COL9A1: variants seen among roughly 807,000 people sequenced by gnomAD.
The protein encoded by COL9A1 is collagen type IX alpha 1 chain, also known as collagen alpha-1(IX) chain.
COL9A1 carries 104 observed loss-of-function variants against 142.6 expected under a neutral mutation model. The observed-to-expected ratio is 0.73, with a 90% confidence interval of 0.62 to 0.86. The LOEUF (loss-of-function observed/expected upper bound fraction) is 0.86. Ranked by LOEUF, COL9A1 falls within the 40% of genes least tolerant of loss-of-function variation. COL9A1 has a pLI of 0.00. For synonymous variants in COL9A1, 466 were observed against 396.0 expected (o/e 1.18, Z -2.10); for missense variants, 1,210 against 1,176.6 (o/e 1.03, Z -0.42).
Position 70,300,293 on chromosome 6 carries a change from G to A in COL9A1, c.166+16C>T, listed in dbSNP as rs770692162. On this transcript the variant is annotated intron_variant, in intron 3 of 37. Coordinates refer to ENST00000357250, the MANE Select transcript of COL9A1 (RefSeq NM_001851.6). The stretch of plus-strand genomic sequence containing the variant: ...ATAGAAAGCATGCATTTTCAATAGG[G>A]TACATTGCTACTCACCTGGTAAGTC... 2.5e-6 allele frequency: 4 copies of A among 1,609,216 alleles called. No individual in the cohort carries two copies. Among genetic ancestry groups the A allele is most frequent in the Non-Finnish European group, 2.6e-6 (3 of 1,175,826 alleles).
chr6:70,276,510 T>C (rs1772772723), intron 10 of COL9A1, among the ~76,000 whole-genome samples: 2 of 152,190 alleles, frequency 1.3e-5, no homozygotes, highest in Admixed American at 1.3e-4. Context: ...TTTCGGTTAC[T>C]TCATATTAAA....
At chr6:70,230,014 C>T (rs562297627) in intron 36 of COL9A1, among the ~76,000 whole-genome samples, 1 of 152,234 alleles carries the variant, frequency 6.6e-6, no homozygotes, top group Admixed American at 6.5e-5. Flanking sequence ...TGGAAAAAGG[C>T]TCTCAAAGTG....
At chr6:70,236,645 A>G (rs181768677) in intron 33 of COL9A1, among the ~76,000 whole-genome samples, 2 of 152,308 alleles carry the variant, frequency 1.3e-5, no homozygotes, top group East Asian at 3.9e-4. Flanking sequence ...TGCTTTTCCA[A>G]TTTCGCTTTA....
chr6:70,294,030 A>G lies in COL9A1; in HGVS notation c.696+137T>C, dbSNP rs1182072661. On this transcript the variant is annotated intron_variant, in intron 5 of 37. Coordinates refer to ENST00000357250, the MANE Select transcript of COL9A1 (RefSeq NM_001851.6). ...TTTAAGCTCCTCAAGACCAGAAGCT[A>G]TCTACTTAACTTCCTCTGATTCCAA... 6.0e-6 allele frequency: 7 copies of G among 1,175,442 alleles called. No homozygotes were observed. The Admixed American group carries it at 1.0e-4, about 17-fold the overall frequency. The allele number at this position is 1,175,442 out of a possible 1,614,324, so 72.8% of individuals were successfully genotyped here.
chr6:70,232,857 T>A, intron 35 of COL9A1, 86 bp from the exon 36 acceptor site: 1 of 1,332,494 alleles, frequency 7.5e-7, no homozygotes, highest in Non-Finnish European at 1.1e-6. Context: ...AAATGCCTTT[T>A]TTTCTAAATG....
At chr6:70,229,895 A>G (rs1769444890) in intron 36 of COL9A1, among the ~76,000 whole-genome samples, 1 of 152,306 alleles carries the variant, frequency 6.6e-6, no homozygotes, top group Non-Finnish European at 1.5e-5. Flanking sequence ...AAAATGTTCT[A>G]CTGTGTTCTT....
Position 70,303,038 on chromosome 6 carries a change from C to T in COL9A1, c.-114G>A. 8.5e-7 allele frequency: 1 copy of T among 1,178,766 alleles called. No individual in the cohort carries two copies. The highest frequency in any genetic ancestry group is 1.3e-6 in the Non-Finnish European group (1 of 784,540). 73.0% of individuals were successfully genotyped at this position (1,178,766 alleles called of 1,614,324 possible). A position where few individuals can be genotyped will look rare whatever the true frequency, so the allele number is the denominator to read the frequency against. ...TTACCCTAGGACTATGTGTTCTGGGCCCAGCCTTGGTCCCTCCTGCCCCCG... is the reference window on the plus strand; with the variant it reads ...TTACCCTAGGACTATGTGTTCTGGGTCCAGCCTTGGTCCCTCCTGCCCCCG... On this transcript the variant is annotated 5_prime_UTR_variant, in exon 1 of 38. Coordinates refer to ENST00000357250, the MANE Select transcript of COL9A1 (RefSeq NM_001851.6).
intron 7 of COL9A1, 27 bp downstream of exon 7, chr6:70,282,871 T>A: frequency 1.2e-6 from 2 of 1,613,904 alleles, no homozygotes. Context: ...GCTTGAAAAA[T>A]GCAAACACTC....
intron 17 of COL9A1, among the ~76,000 whole-genome samples, chr6:70,267,352 C>T (rs1467519561): frequency 8.3e-5 from 7 of 84,174 alleles, no homozygotes; most frequent in African/African-American, 1.9e-4. Context: ...GATGGAGCTT[C>T]GCTCTTGTTG....
chr6:70,296,715 T>TA (rs1427655108), intron 4 of COL9A1, among the ~76,000 whole-genome samples: 1 of 152,166 alleles, frequency 6.6e-6, no homozygotes, highest in Non-Finnish European at 1.5e-5. Flanking sequence ...AGCTGGGAGA[T>TA]ACATTTTCAA....
chr6:70,299,983 C>G, intron 4 of COL9A1, 60 bp downstream of exon 4: 2 of 1,474,934 alleles, frequency 1.4e-6, no homozygotes, highest in Non-Finnish European at 1.9e-6. Context: ...CATTGGATAG[C>G]TATCCATTTT....
chr6:70,255,114 G>A (rs769301130), intron 23 of COL9A1, 36 bp downstream of exon 23: 94 of 1,613,764 alleles, frequency 5.8e-5, no homozygotes, highest in Non-Finnish European at 7.8e-5. Flanking sequence ...AATGATCACT[G>A]AAAAATGTGC....
intron 5 of COL9A1, among the ~76,000 whole-genome samples, chr6:70,289,609 T>C (rs1773583152): frequency 6.6e-6 from 1 of 152,216 alleles, no homozygotes; most frequent in South Asian, 2.1e-4. Flanking sequence ...ATCAAAATTT[T>C]ATAAAAATAT....
At chr6:70,246,894 C>T (rs767084132) in intron 28 of COL9A1, among the ~76,000 whole-genome samples, 6 of 152,120 alleles carry the variant, frequency 3.9e-5, no homozygotes, top group South Asian at 2.1e-4. Context: ...TTAACCTCTC[C>T]GTGCCTGTTT....
intron 7 of COL9A1, among the ~76,000 whole-genome samples, chr6:70,282,614 G>T (rs145895208): frequency 6.6e-6 from 1 of 152,318 alleles, no homozygotes; most frequent in East Asian, 1.9e-4. Context: ...AGCAATAACA[G>T]GCTAAGAATT....
Position 70,255,507 on chromosome 6 carries a change from G to T in COL9A1, c.1504-117C>A, listed in dbSNP as rs558520001. On this transcript the variant is annotated intron_variant, in intron 21 of 37. Coordinates refer to ENST00000357250, the MANE Select transcript of COL9A1 (RefSeq NM_001851.6). ...ATTAGTCTTCCACCACAATGGCTTT[G>T]CTCTATCAAGGAAGCCTAGATGAAG... 8.6e-5 allele frequency: 76 copies of T among 888,640 alleles called. No homozygotes were observed. The African/African-American group carries it at 1.1e-3, about 12-fold the overall frequency. The allele number at this position is 888,640 out of a possible 1,614,324, so 55.0% of individuals were successfully genotyped here. A position where few individuals can be genotyped will look rare whatever the true frequency, so the allele number is the denominator to read the frequency against.
chr6:70,295,007 G>T (rs1157422018), intron 4 of COL9A1, among the ~76,000 whole-genome samples: 1 of 152,170 alleles, frequency 6.6e-6, no homozygotes, highest in Non-Finnish European at 1.5e-5. Flanking sequence ...AAAGCAGCTA[G>T]CAGCTTCTAA....
chr6:70,241,438 G>A lies in COL9A1; in HGVS notation c.2015C>T (p.Pro672Leu), dbSNP rs765463295. 8.7e-6 allele frequency: 14 copies of A among 1,610,668 alleles called. No individual in the cohort carries two copies. Among genetic ancestry groups the A allele is most frequent in the Admixed American group, 3.3e-5 (2 of 59,974 alleles). ...MKGDRGVVGE[P>L]GPKGEQGASG... is the part of the protein sequence containing the mutation. ...ACTGACCTGTTCACCCTTTGGACCC[G>A]GTTCACCGACTACACCCTGTAATAA... Residue 672 changes from proline (P) to leucine (L), a missense_variant, in exon 31 of 38, where the codon CCG becomes CTG. By Grantham distance (98) the Pro-to-Leu change is moderately conservative. Transcript: ENST00000357250.
chr6:70,223,747 C>T (rs942832289), intron 37 of COL9A1, among the ~76,000 whole-genome samples: 10 of 152,234 alleles, frequency 6.6e-5, no homozygotes, highest in Non-Finnish European at 1.3e-4. Flanking sequence ...GAAAGTTAGC[C>T]TATATTCCTG....
Sources: gnomAD v4.1 joint callset for allele counts (sites outside exome capture counted in the v4.1 genomes callset) on GRCh38, gnomAD v4.1.1 for gene constraint, MANE v1.5 for transcripts, NCBI Gene and HGNC (gene_info 2026-07-23, HGNC 2026-07-21) for gene names.